NLRP5: variants seen among roughly 807,000 people sequenced by gnomAD.
The protein encoded by NLRP5 is NACHT, LRR and PYD domains-containing protein 5.
In NLRP5, 93 loss-of-function variants were observed where a neutral mutation model predicts 113.1. The observed-to-expected ratio is 0.82, with a 90% CI of 0.70 to 0.98. NLRP5 has a LOEUF of 0.98. Among genes scored for constraint, NLRP5 ranks in the 50% least tolerant of loss-of-function variants. NLRP5 has a pLI of 0.00. For missense variants in NLRP5, 1,808 were observed against 1,514.3 expected, an observed-to-expected ratio of 1.19 and a Z score of -3.22; for synonymous variants, 751 against 600.7, an observed-to-expected ratio of 1.25 and a Z score of -3.66.
chr19:56,010,741 T>TAAAAAAAAAAAAAAAAAAA (rs1568484396), intron 3 of NLRP5, among the ~76,000 whole-genome samples: 1 of 5,626 alleles, frequency 1.8e-4, no homozygotes, highest in Non-Finnish European at 4.9e-4. Flanking sequence ...TAACTCTGTC[T>TAAAAAAAAAAAAAAAAAAA]CAAAAAAAAA....
intron 2 of NLRP5, among the ~76,000 whole-genome samples, chr19:56,005,276 T>C (rs1178122968): frequency 6.8e-6 from 1 of 147,076 alleles, no homozygotes. Context: ...CATACACATA[T>C]ACACATATAT....
chr19:56,035,100 G>C (rs1983264167), intron 9 of NLRP5, among the ~76,000 whole-genome samples: 1 of 152,024 alleles, frequency 6.6e-6, no homozygotes, highest in Non-Finnish European at 1.5e-5. Flanking sequence ...CACCATGCCT[G>C]GCTAATTCTT....
chr19:56,043,912 T>C lies in NLRP5; in HGVS notation c.2957+2820T>C, dbSNP rs1306733422. On this transcript the variant is annotated intron_variant, in intron 11 of 14. Coordinates refer to ENST00000390649, the MANE Select transcript of NLRP5 (RefSeq NM_153447.4). ...ATTCTTTTGCTGTGCAAAAGCTCTT[T>C]GGTTCAATTAGGTCCCAGCTATTTA... 5.9e-5 allele frequency among the ~76,000 whole-genome samples: 9 copies of C among 152,036 alleles called. No individual in the cohort carries two copies. In the East Asian group the frequency reaches 1.8e-3, roughly 30 times the overall value.
upstream of NLRP5, among the ~76,000 whole-genome samples, chr19:55,996,941 C>T (rs1267801181): frequency 6.6e-6 from 1 of 152,172 alleles, no homozygotes; most frequent in Non-Finnish European, 1.5e-5. Context: ...AACTAGTTTA[C>T]AGTCCCACCA....
At chr19:56,014,901 T>A (rs1982346579) in intron 3 of NLRP5, among the ~76,000 whole-genome samples, 1 of 152,192 alleles carries the variant, frequency 6.6e-6, no homozygotes, top group African/African-American at 2.4e-5. Context: ...AATTTCCATG[T>A]GACTTTTAGT....
chr19:56,034,114 C>T (rs943492760), intron 9 of NLRP5, among the ~76,000 whole-genome samples: 9 of 152,192 alleles, frequency 5.9e-5, no homozygotes, highest in Non-Finnish European at 1.3e-4. Context: ...CTGGGCCGGG[C>T]GCGGTGGCTC....
chr19:56,017,301 C>A (rs1982444338), intron 4 of NLRP5, among the ~76,000 whole-genome samples: 1 of 151,834 alleles, frequency 6.6e-6, no homozygotes, highest in South Asian at 2.1e-4. Context: ...TTTCTTTATT[C>A]CCTTTCTCTG....
chr19:56,050,610 G>A, intron 12 of NLRP5, 22 bp downstream of exon 12: 1 of 1,610,078 alleles, frequency 6.2e-7, no homozygotes, highest in Non-Finnish European at 8.5e-7. Flanking sequence ...ATGGGCGTTG[G>A]GTCAACTCTA....
At chr19:56,039,470 A>T (rs1444885653) in intron 10 of NLRP5, among the ~76,000 whole-genome samples, 3 of 152,144 alleles carry the variant, frequency 2.0e-5, no homozygotes, top group African/African-American at 7.2e-5. Flanking sequence ...AGAGGGTGAC[A>T]TCTGAGCTCT....
At chr19:56,053,830 T>C in intron 13 of NLRP5, 22 bp downstream of exon 13, 1 of 1,608,752 alleles carries the variant, frequency 6.2e-7, no homozygotes, top group Non-Finnish European at 8.5e-7. Context: ...GGGCGCCTCT[T>C]TGCGGGCCGG....
chr19:56,055,214 A>G (rs1984087474), intron 13 of NLRP5, among the ~76,000 whole-genome samples: 1 of 151,002 alleles, frequency 6.6e-6, no homozygotes. Flanking sequence ...CTGCTTTTAA[A>G]CTTCTGACCT....
At chr19:56,019,774 A>T (rs1202448762) in intron 5 of NLRP5, among the ~76,000 whole-genome samples, 1 of 152,056 alleles carries the variant, frequency 6.6e-6, no homozygotes, top group Non-Finnish European at 1.5e-5. Flanking sequence ...TATGTACATG[A>T]ATACCTGCCA....
At chr19:56,048,638 AG>A (rs1568501162) in intron 11 of NLRP5, among the ~76,000 whole-genome samples, 1 of 151,766 alleles carries the variant, frequency 6.6e-6, no homozygotes, top group East Asian at 1.9e-4. Context: ...TCTGTCTCAC[AG>A]TTCTTAAGAT....
intron 13 of NLRP5, among the ~76,000 whole-genome samples, chr19:56,057,221 A>C (rs1984190170): frequency 6.6e-6 from 1 of 152,358 alleles, no homozygotes. Flanking sequence ...AACAATCATT[A>C]GTATTTTAGT....
intron 2 of NLRP5, among the ~76,000 whole-genome samples, chr19:56,007,898 CGCGT>C (rs1401451377): frequency 2.4e-5 from 1 of 41,400 alleles, no homozygotes; most frequent in Non-Finnish European, 5.7e-5. Context: ...TGCGCGTGCG[CGCGT>C]GCGTGTGTGT....
At chr19:55,996,399 C>T (rs1012974010), upstream of NLRP5, among the ~76,000 whole-genome samples, 15 of 152,166 alleles carry the variant, frequency 9.9e-5, no homozygotes, top group Non-Finnish European at 1.6e-4. Flanking sequence ...ATGTGCACAA[C>T]GTGCAGGTTT....
chr19:56,008,933 C>T (rs906917069), intron 3 of NLRP5, 80 bp downstream of exon 3: 38 of 1,216,278 alleles, frequency 3.1e-5, no homozygotes, highest in Non-Finnish European at 4.3e-5. Context: ...GCATTAGAAC[C>T]ATGACTTCTG....
At position 56,003,990 on chromosome 19, in the gene NLRP5, T is replaced by A; in HGVS notation, c.337T>A (p.Leu113Met). The A allele has an allele frequency of 6.2e-7, 1 of 1,614,016 alleles. No individual in the cohort carries two copies. The highest frequency in any genetic ancestry group is 8.5e-7 in the Non-Finnish European group (1 of 1,179,884). ...CAACGTGGAATGTCTGGCACTCCTCTTGCATGAGTATTATGGAGCATCGCT... is the reference window on the plus strand; with the variant it reads ...CAACGTGGAATGTCTGGCACTCCTCATGCATGAGTATTATGGAGCATCGCT... The change falls in exon 2 of 15, where the codon TTG becomes ATG. Residue 113 changes from leucine (L) to methionine (M), a missense_variant. Coordinates refer to ENST00000390649, the MANE Select transcript of NLRP5 (RefSeq NM_153447.4).
Position 56,038,014 on chromosome 19 carries a change from T to C in NLRP5, c.2616-11T>C. The C allele has an allele frequency of 1.2e-6, 2 of 1,613,760 alleles. No homozygotes were observed. Among genetic ancestry groups the C allele is most frequent in the Non-Finnish European group, 1.7e-6 (2 of 1,179,784 alleles). Reference sequence around the variant, plus strand: ...AGAGCTGGGATTGCTTCATGCTGCCTGTCTCTGCAGGCTGGATTGCTGTGG... The same window carrying C: ...AGAGCTGGGATTGCTTCATGCTGCCCGTCTCTGCAGGCTGGATTGCTGTGG... On this transcript the variant is annotated splice_polypyrimidine_tract_variant and intron_variant, in intron 9 of 14. Coordinates refer to ENST00000390649, the MANE Select transcript of NLRP5 (RefSeq NM_153447.4).
Sources: allele counts gnomAD v4.1 joint callset (sites outside exome capture counted in the v4.1 genomes callset), GRCh38; gene constraint gnomAD v4.1.1; transcripts MANE v1.5; gene names NCBI Gene and HGNC (gene_info 2026-07-23, HGNC 2026-07-21).